FBXL17: variants seen among roughly 807,000 people sequenced by gnomAD.
The protein encoded by FBXL17 is F-box/LRR-repeat protein 17.
A neutral mutation model predicts 66.2 loss-of-function variants in FBXL17; 22 were observed. The observed-to-expected ratio is 0.33, with a 90% confidence interval of 0.24 to 0.47. The LOEUF is 0.47. Among genes scored for constraint, FBXL17 ranks in the 20% least tolerant of loss-of-function variants. The probability of loss-of-function intolerance (pLI) is 1.00; values close to 1 mark genes in which losing one functional copy is unlikely to be tolerated. For synonymous variants in FBXL17, 474 were observed against 400.5 expected (o/e 1.18, Z -2.19); for missense variants, 878 against 948.2 (o/e 0.93, Z 0.97).
chr5:108,365,321 G>A (rs770937206), intron 2 of FBXL17, among the ~76,000 whole-genome samples: 8 of 152,134 alleles, frequency 5.3e-5, no homozygotes, highest in Non-Finnish European at 1.0e-4. Flanking sequence ...AGAGTGGGGC[G>A]CCTAGATGGC....
chr5:108,200,643 T>A (rs961611292), intron 5 of FBXL17, among the ~76,000 whole-genome samples: 1 of 151,764 alleles, frequency 6.6e-6, no homozygotes, highest in East Asian at 1.9e-4. Flanking sequence ...AACCAAGCAT[T>A]TCCTCTGGTG....
At chr5:108,148,636 A>C (rs1345350524) in intron 6 of FBXL17, among the ~76,000 whole-genome samples, 1 of 152,252 alleles carries the variant, frequency 6.6e-6, no homozygotes, top group Non-Finnish European at 1.5e-5. Context: ...AATTATATAG[A>C]ATTACACAGG....
chr5:108,157,475 CAAATAAAACTTTTTTATTTCAAAAGATCA>C (rs1377182319), intron 6 of FBXL17, among the ~76,000 whole-genome samples: 1 of 151,236 alleles, frequency 6.6e-6, no homozygotes, highest in East Asian at 1.9e-4. Context: ...GGAAAACTCA[CAAATAAAACTTTTTTATTTCAAAAGATCA>C]TGTTTGCTGT....
intron 7 of FBXL17, among the ~76,000 whole-genome samples, chr5:108,010,838 TA>T (rs1180997606): frequency 6.6e-6 from 1 of 152,168 alleles, no homozygotes; most frequent in Admixed American, 6.6e-5. Flanking sequence ...TGATCACCTT[TA>T]TGGGATGATG....
At chr5:108,290,305 G>T (rs1476528220) in intron 4 of FBXL17, among the ~76,000 whole-genome samples, 1 of 152,148 alleles carries the variant, frequency 6.6e-6, no homozygotes, top group East Asian at 1.9e-4. Flanking sequence ...GTTCAGGTTG[G>T]CTGGCATGTC....
intron 7 of FBXL17, among the ~76,000 whole-genome samples, chr5:107,984,043 T>C (rs1426158837): frequency 6.6e-6 from 1 of 152,170 alleles, no homozygotes; most frequent in African/African-American, 2.4e-5. Context: ...TCTTCTTGTA[T>C]CTGTAAATTC....
chr5:108,337,734 G>C (rs1054998496), intron 4 of FBXL17, among the ~76,000 whole-genome samples: 1 of 149,512 alleles, frequency 6.7e-6, no homozygotes, highest in Non-Finnish European at 1.5e-5. Flanking sequence ...TAATAAGACA[G>C]AGACTAGTAA....
intron 6 of FBXL17, among the ~76,000 whole-genome samples, chr5:108,068,303 C>T (rs1748189952): frequency 6.6e-6 from 1 of 152,106 alleles, no homozygotes; most frequent in East Asian, 1.9e-4. Context: ...TTTTGACATA[C>T]TTATTCTACG....
intron 4 of FBXL17, among the ~76,000 whole-genome samples, chr5:108,233,748 C>T (rs1310041466): frequency 6.6e-6 from 1 of 152,116 alleles, no homozygotes; most frequent in African/African-American, 2.4e-5. Flanking sequence ...GTCTGTTGTA[C>T]TAGAGTCAAA....
intron 7 of FBXL17, among the ~76,000 whole-genome samples, chr5:107,976,948 C>T (rs1166917395): frequency 6.6e-6 from 1 of 152,236 alleles, no homozygotes. Context: ...ACTCCCTTCT[C>T]TCTTTCCAAG....
At chr5:107,977,763 T>C (rs1396795141) in intron 7 of FBXL17, among the ~76,000 whole-genome samples, 2 of 152,176 alleles carry the variant, frequency 1.3e-5, no homozygotes, top group Non-Finnish European at 2.9e-5. Flanking sequence ...CTAGATAAAG[T>C]GCTTGTTCAA....
rs369413799 is a variant in FBXL17, at chr5:107,969,759, CT to C, written c.1822+51165del. Among the ~76,000 whole-genome samples, 738 of 152,212 alleles carry C rather than the reference CT, an allele frequency of 4.8e-3. 3 individuals are homozygous for C. The highest frequency in any genetic ancestry group is 0.017 in the African/African-American group (707 of 41,532). On this transcript the variant is annotated intron_variant, in intron 7 of 8. Transcript: ENST00000542267. ...ATTTAAACTACTGCTTGATCTTCCC[CT>C]AAAGCATACTAGAGAACCTAATTTC... is the stretch of plus-strand genomic sequence containing the variant.
rs868628995 is a variant in FBXL17, at chr5:107,877,036, C to T, written c.1965+4001G>A. ...AACAGTCTTTAAGAATATAAGCTCA[C>T]CCCAATTCATCAAAGCCGTCTCACA... On this transcript the variant is annotated intron_variant, in intron 8 of 8. Coordinates refer to ENST00000542267, the MANE Select transcript of FBXL17 (RefSeq NM_001163315.3). 5.9e-5 allele frequency among the ~76,000 whole-genome samples: 9 copies of T among 152,324 alleles called. No homozygotes were observed. In the South Asian group the frequency reaches 1.9e-3, roughly 32 times the overall value.
At chr5:108,318,221 G>T (rs1321013336) in intron 4 of FBXL17, among the ~76,000 whole-genome samples, 1 of 151,568 alleles carries the variant, frequency 6.6e-6, no homozygotes, top group Non-Finnish European at 1.5e-5. Context: ...GCTATACCCA[G>T]CATACTGTAC....
intron 7 of FBXL17, among the ~76,000 whole-genome samples, chr5:108,009,090 C>T (rs1410071754): frequency 6.7e-6 from 1 of 148,814 alleles, no homozygotes; most frequent in Non-Finnish European, 1.5e-5. Context: ...GCTAGTTTTC[C>T]ACACAATTTT....
intron 4 of FBXL17, among the ~76,000 whole-genome samples, chr5:108,261,780 A>G (rs1474665310): frequency 1.3e-5 from 2 of 150,306 alleles, no homozygotes; most frequent in Non-Finnish European, 2.9e-5. Context: ...GAAAAAAACA[A>G]AGAGCACCCA....
intron 1 of FBXL17, among the ~76,000 whole-genome samples, chr5:108,368,950 A>C (rs1282951672): frequency 6.6e-6 from 1 of 151,236 alleles, no homozygotes; most frequent in Non-Finnish European, 1.5e-5. Context: ...CTTCCCTCAC[A>C]ATTTGACCAA....
rs747419953 is a variant in FBXL17, at chr5:108,138,497, C to A, written c.1745+47620G>T. Among the ~76,000 whole-genome samples the A allele has an allele frequency of 6.2e-4, 95 of 152,148 alleles. 1 individual carries two copies. The highest frequency in any genetic ancestry group is 1.5e-3 in the South Asian group (7 of 4,812). ...TAGTACAATTGGGCCTGATATTATT[C>A]AAGAGATAAACATCTCCTCTTCAAT... On this transcript the variant is annotated intron_variant, in intron 6 of 8. Transcript: ENST00000542267.
At chr5:108,355,341 C>T (rs939909810) in intron 3 of FBXL17, among the ~76,000 whole-genome samples, 1 of 151,446 alleles carries the variant, frequency 6.6e-6, no homozygotes, top group Admixed American at 6.6e-5. Flanking sequence ...TAGTCTGGAG[C>T]GCAGTGGCAT....
Sources: allele counts gnomAD v4.1 joint callset (sites outside exome capture counted in the v4.1 genomes callset), GRCh38; gene constraint gnomAD v4.1.1; transcripts MANE v1.5; gene names NCBI Gene and HGNC (gene_info 2026-07-23, HGNC 2026-07-21).